The following MSRA variants were observed in gnomAD, a reference collection of about 807,000 sequenced individuals.
The protein encoded by MSRA is mitochondrial peptide methionine sulfoxide reductase.
Under a neutral mutation model 31.3 loss-of-function variants are expected in MSRA, and 54 were observed. That is an observed-to-expected ratio of 1.73 (90% CI 1.39 to 2.17). The LOEUF (loss-of-function observed/expected upper bound fraction) is 2.17. MSRA is among the 30% of genes most tolerant of loss of function. The pLI is 0.00. For missense variants in MSRA, 507 were observed against 300.9 expected (o/e 1.69, Z -5.07); for synonymous variants, 169 against 116.5 (o/e 1.45, Z -2.90).
At chr8:10,239,260 C>G (rs1011355432) in intron 2 of MSRA, among the ~76,000 whole-genome samples, 4 of 152,064 alleles carry the variant, frequency 2.6e-5, no homozygotes, top group African/African-American at 7.2e-5. Context: ...CTCCCAGGTT[C>G]AAGCAATTCT....
At chr8:10,317,033 T>C (rs2129135992) in intron 4 of MSRA, among the ~76,000 whole-genome samples, 1 of 152,336 alleles carries the variant, frequency 6.6e-6, no homozygotes, top group South Asian at 2.1e-4. Context: ...ATCCGTTTTC[T>C]CTTAGCAGCA....
intron 1 of MSRA, among the ~76,000 whole-genome samples, chr8:10,089,445 C>T (rs572732638): frequency 7.9e-5 from 12 of 152,090 alleles, no homozygotes; most frequent in African/African-American, 4.8e-5. Context: ...GGGAAAATGC[C>T]TCATATTTGT....
Position 10,339,556 on chromosome 8 carries a change from T to TTTTTTTTTTTC in MSRA, c.543+19568_543+19569insTTTTTTTTTCT, listed in dbSNP as rs1554531885. Among the ~76,000 whole-genome samples, 10 of 100,726 alleles carry TTTTTTTTTTTC rather than the reference T, an allele frequency of 9.9e-5. 2 individuals carry two copies. The highest frequency in any genetic ancestry group is 5.8e-4 in the Admixed American group (5 of 8,668). The allele number at this position is 100,726 out of a possible 152,430, so 66.1% of individuals were successfully genotyped here. ...CTTTTTTTTTTTTTTTTTTTTTTTTTTCTGAGACGGAATCTCGTTCTGTCG... is the reference window on the plus strand; with the variant it reads ...CTTTTTTTTTTTTTTTTTTTTTTTTTTTTTTTTTTTCTCTGAGACGGAATCTCGTTCTGTCG... On this transcript the variant is annotated intron_variant, in intron 5 of 5. Coordinates refer to ENST00000317173, the MANE Select transcript of MSRA (RefSeq NM_012331.5).
intron 1 of MSRA, among the ~76,000 whole-genome samples, chr8:10,173,367 G>T (rs1411963909): frequency 6.6e-6 from 1 of 152,212 alleles, no homozygotes; most frequent in Non-Finnish European, 1.5e-5. Context: ...AGAATCTGGG[G>T]GTGAAGACCA....
At chr8:10,338,640 A>C (rs908997938) in intron 5 of MSRA, among the ~76,000 whole-genome samples, 4 of 152,240 alleles carry the variant, frequency 2.6e-5, no homozygotes, top group African/African-American at 9.6e-5. Context: ...AATAATAATA[A>C]AAAATTTAAA....
Position 10,315,647 on chromosome 8 carries a change from A to C in MSRA, c.437-4236A>C, listed in dbSNP as rs549504610. The stretch of plus-strand genomic sequence containing the variant: ...ACTAGCTTTGTAAATGTGTGTGCAC[A>C]TGTGTGCTTGGTACTGATTTCAATG... On this transcript the variant is annotated intron_variant, in intron 4 of 5. Coordinates refer to ENST00000317173, the MANE Select transcript of MSRA (RefSeq NM_012331.5). Among the ~76,000 whole-genome samples, 15 of 152,314 alleles carry C rather than the reference A, an allele frequency of 9.8e-5. No individual in the cohort carries two copies. The South Asian group carries it at 3.1e-3, about 32-fold the overall frequency.
At chr8:10,206,270 G>C (rs548524802) in intron 1 of MSRA, among the ~76,000 whole-genome samples, 1 of 152,150 alleles carries the variant, frequency 6.6e-6, no homozygotes, top group Non-Finnish European at 1.5e-5. Flanking sequence ...GCTTGACAGG[G>C]TCCTTCCATC....
At chr8:10,092,935 G>A (rs1441943533) in intron 1 of MSRA, among the ~76,000 whole-genome samples, 5 of 152,040 alleles carry the variant, frequency 3.3e-5, no homozygotes, top group Non-Finnish European at 5.9e-5. Context: ...ATTATAAAAC[G>A]TCCTTCTTTA....
intron 1 of MSRA, among the ~76,000 whole-genome samples, chr8:10,174,510 C>A (rs1295209736): frequency 1.3e-5 from 2 of 152,022 alleles, no homozygotes; most frequent in Non-Finnish European, 2.9e-5. Flanking sequence ...GCCTCTTCTC[C>A]CATGACTTCC....
chr8:10,204,582 C>G (rs935246143), intron 1 of MSRA, among the ~76,000 whole-genome samples: 1 of 152,192 alleles, frequency 6.6e-6, no homozygotes, highest in African/African-American at 2.4e-5. Context: ...TACCACATAG[C>G]CATAGCTTAG....
At chr8:10,407,935 G>C (rs978471519) in intron 5 of MSRA, among the ~76,000 whole-genome samples, 1 of 152,168 alleles carries the variant, frequency 6.6e-6, no homozygotes, top group African/African-American at 2.4e-5. Flanking sequence ...AGCTACACTG[G>C]AGATGCACCG....
chr8:10,371,692 G>A (rs1397568369), intron 5 of MSRA, among the ~76,000 whole-genome samples: 1 of 152,092 alleles, frequency 6.6e-6, no homozygotes, highest in African/African-American at 2.4e-5. Context: ...GTTTGCCTCA[G>A]TACCTCTGTG....
chr8:10,236,443 A>G (rs996479938), intron 2 of MSRA, among the ~76,000 whole-genome samples: 8 of 152,256 alleles, frequency 5.3e-5, no homozygotes, highest in African/African-American at 1.9e-4. Flanking sequence ...GGGTGTTTTT[A>G]TACACCAGCA....
intron 2 of MSRA, among the ~76,000 whole-genome samples, chr8:10,238,292 T>C (rs1287980029): frequency 1.3e-5 from 2 of 152,226 alleles, no homozygotes; most frequent in Non-Finnish European, 2.9e-5. Flanking sequence ...CTATTTAAAA[T>C]TGTGCTTTCC....
At chr8:10,274,574 CTG>C (rs977355343) in intron 3 of MSRA, among the ~76,000 whole-genome samples, 1 of 152,170 alleles carries the variant, frequency 6.6e-6, no homozygotes, top group Non-Finnish European at 1.5e-5. Flanking sequence ...TCAGACATAC[CTG>C]TGTTACCTAA....
At chr8:10,163,568 C>T (rs935265663) in intron 1 of MSRA, among the ~76,000 whole-genome samples, 1 of 152,180 alleles carries the variant, frequency 6.6e-6, no homozygotes, top group African/African-American at 2.4e-5. Flanking sequence ...CTGTTTCTGC[C>T]CCACGCTGGA....
intron 1 of MSRA, among the ~76,000 whole-genome samples, chr8:10,078,870 T>C (rs956126043): frequency 3.3e-5 from 5 of 152,256 alleles, no homozygotes; most frequent in Non-Finnish European, 7.3e-5. Flanking sequence ...CATGGATGCC[T>C]TCCTTATCCT....
chr8:10,283,465 G>C (rs1799743170), intron 3 of MSRA, among the ~76,000 whole-genome samples: 1 of 151,596 alleles, frequency 6.6e-6, no homozygotes, highest in African/African-American at 2.4e-5. Context: ...CTTAAGTTTT[G>C]GGGGAACAGG....
chr8:10,416,054 G>T (rs1808440468), intron 5 of MSRA, among the ~76,000 whole-genome samples: 1 of 152,062 alleles, frequency 6.6e-6, no homozygotes, highest in Admixed American at 6.5e-5. Context: ...CTGGGGTGTG[G>T]CTGTTGGTGT....
Sources: gnomAD v4.1 joint callset for allele counts (sites outside exome capture counted in the v4.1 genomes callset) on GRCh38, gnomAD v4.1.1 for gene constraint, MANE v1.5 for transcripts, NCBI Gene and HGNC (gene_info 2026-07-23, HGNC 2026-07-21) for gene names.